Variants in TNRC6A observed in about 807,000 individuals in gnomAD.
TNRC6A encodes trinucleotide repeat containing adaptor 6A, also known as trinucleotide repeat-containing gene 6A protein.
TNRC6A carries 44 observed loss-of-function variants against 221.2 expected under a neutral mutation model. The observed-to-expected ratio is 0.20, with a 90% CI of 0.16 to 0.26. The LOEUF (loss-of-function observed/expected upper bound fraction) is 0.26, where lower values mean the gene tolerates loss of function less well. TNRC6A is among the 10% of genes least tolerant of loss of function. The pLI is 1.00. For missense variants in TNRC6A, 2,199 were observed against 2,404.4 expected (o/e 0.91, Z 1.79); for synonymous variants, 847 against 838.5 (o/e 1.01, Z -0.18).
intron 5 of TNRC6A, among the ~76,000 whole-genome samples, chr16:24,780,512 C>G (rs774823716): frequency 6.6e-6 from 1 of 152,118 alleles, no homozygotes; most frequent in Non-Finnish European, 1.5e-5. Context: ...CTTGTTTGTT[C>G]ACAGTATGTT....
chr16:24,796,031 C>G, intron 9 of TNRC6A, 92 bp downstream of exon 9: 1 of 1,407,368 alleles, frequency 7.1e-7, no homozygotes, highest in Non-Finnish European at 1.0e-6. Flanking sequence ...CTGCTGTGTG[C>G]CAGGTACTGT....
intron 2 of TNRC6A, among the ~76,000 whole-genome samples, chr16:24,743,269 GTT>G (rs1178527474): frequency 1.3e-5 from 2 of 152,110 alleles, no homozygotes; most frequent in African/African-American, 4.8e-5. Context: ...AGTATCTATT[GTT>G]TTCTAAGTTT....
rs151265582 is a variant in TNRC6A, at chr16:24,658,755, C to G, written n.402+17746C>G. On this transcript the variant is annotated intron_variant and non_coding_transcript_variant, in intron 2 of 2. Coordinates refer to the TNRC6A transcript ENST00000566108. Reference sequence around the variant, plus strand: ...TTATTTTACTCTAACCAACTCACCCCAAAGAGTTTGCTCTTACATTAATTA... The same window carrying G: ...TTATTTTACTCTAACCAACTCACCCGAAAGAGTTTGCTCTTACATTAATTA... Among the ~76,000 whole-genome samples the G allele has an allele frequency of 2.6e-3, 399 of 152,068 alleles. 2 individuals carry two copies. Among genetic ancestry groups the G allele is most frequent in the African/African-American group, 9.1e-3 (377 of 41,516 alleles).
At chr16:24,750,874 C>T in intron 3 of TNRC6A, 61 bp downstream of exon 3, 2 of 1,317,730 alleles carry the variant, frequency 1.5e-6, no homozygotes, top group Middle Eastern at 2.8e-4. Context: ...AAAAAAATTA[C>T]TCTTACAGAT....
rs545703822 is a variant in TNRC6A at position 24,791,123 on chromosome 16, T to A, written c.2481T>A (p.Ala827=). 7.4e-6 allele frequency: 12 copies of A among 1,614,006 alleles called. No homozygotes were observed. Among genetic ancestry groups the A allele is most frequent in the Non-Finnish European group, 6.8e-6 (8 of 1,179,962 alleles). ...GGGGGAATTGCAAAGAGGAGAAGGCTGCATGGAATGACTCGCAAAAGAATA... is the reference window on the plus strand; with the variant it reads ...GGGGGAATTGCAAAGAGGAGAAGGCAGCATGGAATGACTCGCAAAAGAATA... ...NQWGNCKEEK[A]AWNDSQKNKQ... is the part of the protein sequence containing the mutation. The change falls in exon 6 of 25, where the codon GCT becomes GCA. Residue 827 remains alanine (A), a synonymous_variant. Transcript: ENST00000395799.
chr16:24,627,538 C>T (rs1747925979), intron 1 of TNRC6A, among the ~76,000 whole-genome samples: 2 of 152,028 alleles, frequency 1.3e-5, no homozygotes, highest in Admixed American at 6.6e-5. Flanking sequence ...TTGGATTTCC[C>T]GCAGGCTTCC....
chr16:24,736,496 TG>T (rs1163326896), intron 2 of TNRC6A, among the ~76,000 whole-genome samples: 5 of 152,240 alleles, frequency 3.3e-5, no homozygotes, highest in African/African-American at 4.8e-5. Context: ...TAGTTGTGTC[TG>T]AAGTTTCTCT....
At position 24,634,597 on chromosome 16, in the gene TNRC6A, G is replaced by A. The variant is rs554411555; in HGVS notation, n.277-6287G>A. On this transcript the variant is annotated intron_variant and non_coding_transcript_variant, in intron 1 of 2. Coordinates refer to the TNRC6A transcript ENST00000566108. ...AATATACCACAGGTATGACTTATTC[G>A]GCCATCGTCTCTATATTTGTTTTTA... Among the ~76,000 whole-genome samples the A allele has an allele frequency of 2.6e-5, 4 of 152,158 alleles. No homozygotes were observed. The South Asian group carries it at 6.2e-4, about 24-fold the overall frequency.
intron 22 of TNRC6A, 75 bp from the exon 23 acceptor site, chr16:24,822,002 G>A (rs72770429): frequency 0.012 from 16,379 of 1,397,460 alleles, 177 homozygotes; most frequent in South Asian, 0.032. Flanking sequence ...CAAGAGGCCA[G>A]GTGATCTGCT....
At chr16:24,774,112 T>TC (rs1188272778) in intron 4 of TNRC6A, among the ~76,000 whole-genome samples, 2 of 152,182 alleles carry the variant, frequency 1.3e-5, no homozygotes, top group East Asian at 1.9e-4. Flanking sequence ...TTTTCCTTTT[T>TC]CCCCCCTTCC....
intron 5 of TNRC6A, among the ~76,000 whole-genome samples, chr16:24,783,138 C>CT (rs551197182): frequency 7.1e-4 from 105 of 147,906 alleles, no homozygotes; most frequent in South Asian, 1.3e-3. Context: ...TGTTTCTTTT[C>CT]TTTTTTTTTT....
chr16:24,733,963 G>A (rs1036323422), intron 2 of TNRC6A, among the ~76,000 whole-genome samples: 1 of 152,202 alleles, frequency 6.6e-6, no homozygotes, highest in East Asian at 1.9e-4. Context: ...ATTGAGCCCA[G>A]GAGTTTGAGA....
At chr16:24,623,473 G>A (rs1900791482) in intron 1 of TNRC6A, among the ~76,000 whole-genome samples, 1 of 152,096 alleles carries the variant, frequency 6.6e-6, no homozygotes, top group South Asian at 2.1e-4. Flanking sequence ...TGCAGATCAG[G>A]CTGGGTCATT....
intron 2 of TNRC6A, among the ~76,000 whole-genome samples, chr16:24,677,632 C>T (rs990927475): frequency 6.6e-5 from 10 of 152,184 alleles, no homozygotes; most frequent in African/African-American, 2.4e-4. Flanking sequence ...TACATAGCAA[C>T]TGTCTTGTTT....
intron 5 of TNRC6A, among the ~76,000 whole-genome samples, chr16:24,788,790 A>G (rs1279929045): frequency 6.6e-6 from 1 of 151,836 alleles, no homozygotes; most frequent in East Asian, 1.9e-4. Flanking sequence ...CTGGGACTAC[A>G]GGCGCCCACC....
At chr16:24,770,540 A>G (rs937712357) in intron 4 of TNRC6A, among the ~76,000 whole-genome samples, 1 of 152,188 alleles carries the variant, frequency 6.6e-6, no homozygotes, top group Admixed American at 6.5e-5. Flanking sequence ...GACTAGATAC[A>G]GGGGAGTAGG....
In TNRC6A at chr16:24,624,121, G is replaced by A. The variant is rs535204373; in HGVS notation, n.276+13637G>A. 2.0e-5 allele frequency among the ~76,000 whole-genome samples: 3 copies of A among 152,216 alleles called. No homozygotes were observed. In the South Asian group the frequency reaches 6.2e-4, roughly 32 times the overall value. On this transcript the variant is annotated intron_variant and non_coding_transcript_variant, in intron 1 of 2. Transcript: ENST00000566108. ...CATCAGCTGGCTGTTGGCTAGCTGG[G>A]ACAACTCGGGGTAAGTCCACTCCAT...
At chr16:24,771,314 T>C (rs1015979185) in intron 4 of TNRC6A, among the ~76,000 whole-genome samples, 20 of 152,204 alleles carry the variant, frequency 1.3e-4, no homozygotes, top group Non-Finnish European at 2.9e-4. Flanking sequence ...ATTCGAGATG[T>C]GAGTCAGCAG....
chr16:24,637,433 C>T (rs1257731722), intron 1 of TNRC6A, among the ~76,000 whole-genome samples: 1 of 152,112 alleles, frequency 6.6e-6, no homozygotes, highest in Non-Finnish European at 1.5e-5. Flanking sequence ...TTTACTTGTT[C>T]AAAGAGTACG....
Sources: allele counts gnomAD v4.1 joint callset (sites outside exome capture counted in the v4.1 genomes callset), GRCh38; gene constraint gnomAD v4.1.1; transcripts MANE v1.5; gene names NCBI Gene and HGNC (gene_info 2026-07-23, HGNC 2026-07-21).